CTNNA2: variants seen among roughly 807,000 people sequenced by gnomAD.
CTNNA2 encodes catenin alpha 2.
CTNNA2 carries 42 observed loss-of-function variants against 101.0 expected under a neutral mutation model. The observed-to-expected ratio is 0.42, with a 90% CI of 0.32 to 0.54. The LOEUF is 0.54. Among genes scored for constraint, CTNNA2 ranks in the 20% least tolerant of loss-of-function variants. CTNNA2 has a pLI of 0.14. For missense variants in CTNNA2, 871 were observed against 1,223.1 expected, an observed-to-expected ratio of 0.71 and a Z score of 4.29; for synonymous variants, 450 against 456.4, an observed-to-expected ratio of 0.99 and a Z score of 0.18.
At chr2:80,552,671 A>G (rs1692673780) in intron 11 of CTNNA2, among the ~76,000 whole-genome samples, 1 of 152,186 alleles carries the variant, frequency 6.6e-6, no homozygotes, top group Admixed American at 6.5e-5. Flanking sequence ...CTTACTGCAT[A>G]CCTACACTAC....
chr2:79,668,608 C>T (rs1209050555), intron 2 of CTNNA2, among the ~76,000 whole-genome samples: 1 of 152,170 alleles, frequency 6.6e-6, no homozygotes, highest in Non-Finnish European at 1.5e-5. Context: ...TAAAGAAATG[C>T]ACCTCTTGGA....
intron 7 of CTNNA2, among the ~76,000 whole-genome samples, chr2:80,002,746 A>G (rs997361804): frequency 2.0e-5 from 3 of 152,128 alleles, no homozygotes; most frequent in Non-Finnish European, 4.4e-5. Flanking sequence ...AATCAAGTAT[A>G]TATTCCTGAC....
At position 79,744,267 on chromosome 2, in the gene CTNNA2, C is replaced by T; in HGVS notation, c.103-120C>T. 3 of 955,230 alleles carry T rather than the reference C, an allele frequency of 3.1e-6. No homozygotes were observed. The South Asian group carries it at 5.7e-5, about 18-fold the overall frequency. 59.2% of individuals were successfully genotyped at this position (955,230 alleles called of 1,614,324 possible). A position where few individuals can be genotyped will look rare whatever the true frequency, so the allele number is the denominator to read the frequency against. ...GTGAGGAGGCTAAGTGATGTGCATTCATGATTTAGTATTGAAATCCCATGA... is the reference window on the plus strand; with the variant it reads ...GTGAGGAGGCTAAGTGATGTGCATTTATGATTTAGTATTGAAATCCCATGA... On this transcript the variant is annotated intron_variant, in intron 2 of 18. Transcript: ENST00000402739.
intron 4 of CTNNA2, among the ~76,000 whole-genome samples, chr2:79,482,130 A>G (rs1226222747): frequency 5.3e-5 from 8 of 152,160 alleles, no homozygotes; most frequent in Non-Finnish European, 1.2e-4. Context: ...GCTATAATGG[A>G]TTTACTTCAG....
intron 3 of CTNNA2, among the ~76,000 whole-genome samples, chr2:79,359,167 C>A (rs1476650265): frequency 1.3e-5 from 2 of 152,116 alleles, no homozygotes; most frequent in African/African-American, 4.8e-5. Flanking sequence ...ATAAAGAGAA[C>A]TAACTGTGGA....
chr2:79,301,885 G>T (rs1238172037), intron 2 of CTNNA2, among the ~76,000 whole-genome samples: 1 of 152,082 alleles, frequency 6.6e-6, no homozygotes, highest in South Asian at 2.1e-4. Flanking sequence ...GAGTTTAGGA[G>T]TTCGAAACCA....
chr2:79,286,677 G>A (rs185815485), intron 2 of CTNNA2, among the ~76,000 whole-genome samples: 78 of 152,182 alleles, frequency 5.1e-4, no homozygotes, highest in South Asian at 1.2e-3. Context: ...CTCTCTGGCC[G>A]CCCTTAACAT....
rs10211051 is a variant in CTNNA2 at position 79,229,112 on chromosome 2, C to T, written c.-406+31036C>T. Among the ~76,000 whole-genome samples the T allele has an allele frequency of 4.0e-3, 615 of 152,196 alleles. 5 individuals carry two copies. Among genetic ancestry groups the T allele is most frequent in the African/African-American group, 0.014 (561 of 41,540 alleles). Reference sequence around the variant, plus strand: ...CTCTCTATTCTGTTCCATTGGTCTACGTGTCTGTTTTTGTATCTGTACCAT... The same window carrying T: ...CTCTCTATTCTGTTCCATTGGTCTATGTGTCTGTTTTTGTATCTGTACCAT... On this transcript the variant is annotated intron_variant, in intron 2 of 21. Transcript: ENST00000466387.
intron 2 of CTNNA2, among the ~76,000 whole-genome samples, chr2:79,203,288 A>T (rs1674061026): frequency 6.6e-6 from 1 of 152,218 alleles, no homozygotes; most frequent in African/African-American, 2.4e-5. Flanking sequence ...CGCAGATCCA[A>T]ATTCATTAGA....
chr2:80,349,053 G>C (rs956995136), intron 7 of CTNNA2, among the ~76,000 whole-genome samples: 4 of 152,036 alleles, frequency 2.6e-5, no homozygotes, highest in African/African-American at 9.7e-5. Flanking sequence ...TGAGATTTTT[G>C]GTGTCCACTT....
chr2:80,066,483 G>GA (rs1222953853), intron 7 of CTNNA2, among the ~76,000 whole-genome samples: 1 of 152,012 alleles, frequency 6.6e-6, no homozygotes, highest in Non-Finnish European at 1.5e-5. Flanking sequence ...ACAGGTTTAT[G>GA]AAAAAATGTT....
intron 8 of CTNNA2, among the ~76,000 whole-genome samples, chr2:80,408,083 C>T (rs7570094): frequency 0.042 from 6,379 of 152,308 alleles, 323 homozygotes; most frequent in African/African-American, 0.12. Flanking sequence ...CCTCACTCAA[C>T]AGCATCTTAT....
chr2:80,401,170 G>A (rs1166523884), intron 8 of CTNNA2, among the ~76,000 whole-genome samples: 5 of 152,104 alleles, frequency 3.3e-5, no homozygotes, highest in African/African-American at 4.8e-5. Context: ...TTTTGCCAGT[G>A]CTCATGTCTT....
chr2:80,162,642 A>T, intron 7 of CTNNA2: 1 of 1,612,350 alleles, frequency 6.2e-7, no homozygotes, highest in Non-Finnish European at 8.5e-7. Context: ...ATGAGAATTC[A>T]TTCTGACTTT....
chr2:79,754,586 C>G (rs1157450486), intron 3 of CTNNA2, among the ~76,000 whole-genome samples: 1 of 152,176 alleles, frequency 6.6e-6, no homozygotes, highest in Admixed American at 6.5e-5. Context: ...GTCAGCCTCT[C>G]TAAAAACAAG....
chr2:79,583,309 A>T (rs1676265614), intron 1 of CTNNA2, among the ~76,000 whole-genome samples: 1 of 151,982 alleles, frequency 6.6e-6, no homozygotes, highest in Non-Finnish European at 1.5e-5. Flanking sequence ...GTTTATACAG[A>T]AAAATTAGAA....
intron 3 of CTNNA2, among the ~76,000 whole-genome samples, chr2:79,815,929 C>T (rs1209507911): frequency 6.6e-6 from 1 of 152,024 alleles, no homozygotes; most frequent in Non-Finnish European, 1.5e-5. Context: ...TCATCTATTT[C>T]TTTCAGCAGT....
intron 9 of CTNNA2, among the ~76,000 whole-genome samples, chr2:80,428,876 C>T (rs1681230677): frequency 6.6e-6 from 1 of 151,936 alleles, no homozygotes; most frequent in Non-Finnish European, 1.5e-5. Flanking sequence ...GGAATTGGAC[C>T]TCCATGCATT....
At chr2:80,311,714 G>A (rs1378379583) in intron 7 of CTNNA2, among the ~76,000 whole-genome samples, 2 of 152,206 alleles carry the variant, frequency 1.3e-5, no homozygotes, top group African/African-American at 2.4e-5. Context: ...AAATGCACAA[G>A]GCTTTGTTCT....
Sources: gnomAD v4.1 joint callset for allele counts (sites outside exome capture counted in the v4.1 genomes callset) on GRCh38, gnomAD v4.1.1 for gene constraint, MANE v1.5 for transcripts, NCBI Gene and HGNC (gene_info 2026-07-23, HGNC 2026-07-21) for gene names.